Variants in CPNE5 observed in about 807,000 individuals in gnomAD.
CPNE5 encodes copine 5.
Under a neutral mutation model 81.1 loss-of-function variants are expected in CPNE5, and 42 were observed. The observed-to-expected ratio is 0.52, with a 90% CI of 0.40 to 0.67. The LOEUF is 0.67. Ranked by LOEUF, CPNE5 falls within the 30% of genes least tolerant of loss-of-function variation. The pLI, the probability that CPNE5 is intolerant of heterozygous loss-of-function variation, is 0.00. For missense variants in CPNE5, 612 were observed against 815.5 expected (o/e 0.75, Z 3.04); for synonymous variants, 313 against 321.5 (o/e 0.97, Z 0.28).
At chr6:36,786,280 G>A (rs1021513022) in intron 8 of CPNE5, among the ~76,000 whole-genome samples, 2 of 152,166 alleles carry the variant, frequency 1.3e-5, no homozygotes, top group African/African-American at 4.8e-5. Context: ...GCAGAAGCAG[G>A]AAACCTGGGG....
chr6:36,828,341 G>T (rs1251252165), intron 1 of CPNE5, among the ~76,000 whole-genome samples: 1 of 151,436 alleles, frequency 6.6e-6, no homozygotes, highest in Non-Finnish European at 1.5e-5. Flanking sequence ...AAAGGTATGG[G>T]TAGAGGCTGG....
At chr6:36,744,134 G>C (rs1427563147) in intron 19 of CPNE5, 134 bp downstream of exon 19, 10 of 771,342 alleles carry the variant, frequency 1.3e-5, no homozygotes. Context: ...AGACACACAC[G>C]CCCAGGCGGG....
chr6:36,778,153 T>G lies in CPNE5; in HGVS notation c.632+701A>C, dbSNP rs1276966316. Among the ~76,000 whole-genome samples the G allele has an allele frequency of 2.0e-5, 3 of 152,198 alleles. No individual in the cohort carries two copies. In the South Asian group the frequency reaches 6.2e-4, roughly 31 times the overall value. On this transcript the variant is annotated intron_variant, in intron 9 of 20. Coordinates refer to ENST00000244751, the MANE Select transcript of CPNE5 (RefSeq NM_020939.2). ...AACAGGCCCAGAGAGGGGTCTTCAC[T>G]TGCCCAGGGTCACACAACAGGCTGC...
chr6:36,823,427 C>T (rs764775822), intron 1 of CPNE5, among the ~76,000 whole-genome samples: 1 of 152,152 alleles, frequency 6.6e-6, no homozygotes, highest in Non-Finnish European at 1.5e-5. Context: ...ATGTCTTAGC[C>T]CTTTCTAGAA....
chr6:36,803,534 G>C (rs1770318658), intron 3 of CPNE5, among the ~76,000 whole-genome samples: 1 of 152,190 alleles, frequency 6.6e-6, no homozygotes, highest in Admixed American at 6.5e-5. Context: ...GATCATAATA[G>C]CTACTGTTTA....
At chr6:36,745,585 A>T (rs1158924561) in intron 16 of CPNE5, 70 bp from the exon 17 acceptor site, 2 of 1,499,540 alleles carry the variant, frequency 1.3e-6, no homozygotes, top group Non-Finnish European at 1.8e-6. Context: ...GTGGGAACTG[A>T]GTCCAGGTGG....
At chr6:36,795,043 G>A (rs936555169) in intron 6 of CPNE5, among the ~76,000 whole-genome samples, 1 of 152,166 alleles carries the variant, frequency 6.6e-6, no homozygotes, top group African/African-American at 2.4e-5. Context: ...CTGCAAGATG[G>A]GGAGACTGCT....
chr6:36,779,682 C>A (rs1582855315), intron 8 of CPNE5, among the ~76,000 whole-genome samples: 1 of 152,218 alleles, frequency 6.6e-6, no homozygotes, highest in African/African-American at 2.4e-5. Flanking sequence ...CCTGCTGAGT[C>A]CCCAGCCCTG....
chr6:36,799,480 T>C (rs1169287912), intron 4 of CPNE5, among the ~76,000 whole-genome samples: 2 of 152,172 alleles, frequency 1.3e-5, no homozygotes, highest in Non-Finnish European at 2.9e-5. Context: ...CCCTGATCTT[T>C]AATGTCAGGA....
At chr6:36,793,480 G>A (rs924608013) in intron 7 of CPNE5, among the ~76,000 whole-genome samples, 6 of 152,222 alleles carry the variant, frequency 3.9e-5, no homozygotes, top group East Asian at 1.9e-4. Context: ...AATCCTCCAC[G>A]CCAGCCTCCT....
At chr6:36,805,299 C>T (rs1770491419) in intron 3 of CPNE5, among the ~76,000 whole-genome samples, 1 of 152,254 alleles carries the variant, frequency 6.6e-6, no homozygotes, top group Admixed American at 6.5e-5. Context: ...GTTAACCCCT[C>T]ACCACCCGTA....
At chr6:36,812,900 C>T (rs192349044) in intron 3 of CPNE5, among the ~76,000 whole-genome samples, 1 of 152,220 alleles carries the variant, frequency 6.6e-6, no homozygotes, top group Non-Finnish European at 1.5e-5. Flanking sequence ...GAGAGGCCTG[C>T]CTTCCGCTTT....
intron 1 of CPNE5, among the ~76,000 whole-genome samples, chr6:36,830,734 TTTCCTCATCTGGGC>T (rs1480312599): frequency 6.6e-6 from 1 of 152,176 alleles, no homozygotes; most frequent in Non-Finnish European, 1.5e-5. Flanking sequence ...TTCATCTCAG[TTTCCTCATCTGGGC>T]ATGGGGTCAC....
At chr6:36,834,958 C>T (rs910765374) in intron 1 of CPNE5, among the ~76,000 whole-genome samples, 1 of 152,108 alleles carries the variant, frequency 6.6e-6, no homozygotes, top group African/African-American at 2.4e-5. Flanking sequence ...GCTCCTGAGC[C>T]GGGCTGCCTC....
At chr6:36,801,500 G>A (rs901106520) in intron 3 of CPNE5, among the ~76,000 whole-genome samples, 1 of 152,136 alleles carries the variant, frequency 6.6e-6, no homozygotes, top group Non-Finnish European at 1.5e-5. Flanking sequence ...CATCAAAGCG[G>A]CTCTCTTTTA....
chr6:36,764,387 G>C (rs1766358234), intron 11 of CPNE5, among the ~76,000 whole-genome samples: 1 of 152,046 alleles, frequency 6.6e-6, no homozygotes, highest in East Asian at 1.9e-4. Context: ...TCCTTGGAAG[G>C]GGGCTTGGGT....
Position 36,792,026 on chromosome 6 carries a change from C to T in CPNE5, c.528+7G>A. 6 of 1,613,662 alleles carry T rather than the reference C, an allele frequency of 3.7e-6. No homozygotes were observed. Among genetic ancestry groups the T allele is most frequent in the Non-Finnish European group, 5.1e-6 (6 of 1,179,572 alleles). ...CACGTCCTGTGCTGGAGTCCTCTGC[C>T]ACTCACCCTACAGTTGCTGAGCTCC... On this transcript the variant is annotated splice_region_variant and intron_variant, in intron 8 of 20. Transcript: ENST00000244751.
At chr6:36,784,661 G>A (rs1487824745) in intron 8 of CPNE5, among the ~76,000 whole-genome samples, 1 of 152,194 alleles carries the variant, frequency 6.6e-6, no homozygotes, top group African/African-American at 2.4e-5. Flanking sequence ...CGTCCCCTTG[G>A]CCGGGCATGA....
intron 3 of CPNE5, among the ~76,000 whole-genome samples, chr6:36,815,791 C>A (rs1423802165): frequency 6.6e-6 from 1 of 152,230 alleles, no homozygotes; most frequent in East Asian, 1.9e-4. Context: ...CAGGCTAATT[C>A]TCCTCAAAAA....
Sources: allele counts gnomAD v4.1 joint callset (sites outside exome capture counted in the v4.1 genomes callset), GRCh38; gene constraint gnomAD v4.1.1; transcripts MANE v1.5; gene names NCBI Gene and HGNC (gene_info 2026-07-23, HGNC 2026-07-21).